The following APC variants were observed in gnomAD, a reference collection of about 807,000 sequenced individuals.
APC encodes adenomatous polyposis coli protein.
In APC, 72 loss-of-function variants were observed where a neutral mutation model predicts 247.0. The ratio of observed to expected loss-of-function variants is 0.29; its 90% CI spans 0.24 to 0.35. APC has a LOEUF of 0.35. Among genes scored for constraint, APC ranks in the 10% least tolerant of loss-of-function variants. APC has a pLI of 1.00. For synonymous variants in APC, 1,254 were observed against 1,162.5 expected (o/e 1.08, Z -1.60); for missense variants, 3,400 against 3,360.7 (o/e 1.01, Z -0.29).
At chr5:112,736,133 G>C (rs1160057013), upstream of APC, among the ~76,000 whole-genome samples, 1 of 152,186 alleles carries the variant, frequency 6.6e-6, no homozygotes, top group African/African-American at 2.4e-5. Flanking sequence ...TTGTAAATAA[G>C]TCCTGTGCAG....
intron 1 of APC, among the ~76,000 whole-genome samples, chr5:112,722,630 CCT>C (rs759815567): frequency 6.6e-6 from 1 of 152,036 alleles, no homozygotes; most frequent in African/African-American, 2.4e-5. Context: ...CCCACTACCC[CCT>C]CTTTGGAGTC....
chr5:112,784,499 C>T (rs1450646295), intron 6 of APC, among the ~76,000 whole-genome samples: 3 of 152,134 alleles, frequency 2.0e-5, no homozygotes, highest in Non-Finnish European at 2.9e-5. Context: ...GAATATGTTG[C>T]GTACAGAAAT....
chr5:112,782,917 A>T (rs919767202), intron 6 of APC, among the ~76,000 whole-genome samples: 1 of 152,220 alleles, frequency 6.6e-6, no homozygotes, highest in African/African-American at 2.4e-5. Context: ...CTAAAAATAC[A>T]TTGCATTTTA....
chr5:112,750,395 T>C (rs958329754), intron 1 of APC, among the ~76,000 whole-genome samples: 7 of 152,198 alleles, frequency 4.6e-5, no homozygotes, highest in Non-Finnish European at 7.3e-5. Context: ...TTTATCCTTA[T>C]GCACTCCTTT....
At position 112,822,966 on chromosome 5, in the gene APC, T is replaced by G. The variant is rs542444620; in HGVS notation, c.1408+975T>G. Among the ~76,000 whole-genome samples the G allele has an allele frequency of 2.6e-5, 4 of 152,330 alleles. No homozygotes were observed. In the East Asian group the frequency reaches 5.8e-4, roughly 22 times the overall value. On this transcript the variant is annotated intron_variant, in intron 11 of 15. Coordinates refer to ENST00000257430, the MANE Select transcript of APC (RefSeq NM_000038.6). ...GCACCTTAAGATTTCAGGCCTGCCC[T>G]CTGGCCATGCTTTCCTTCCTAGTGG...
intron 1 of APC, among the ~76,000 whole-genome samples, chr5:112,729,378 G>C (rs1177447947): frequency 6.6e-6 from 1 of 152,210 alleles, no homozygotes; most frequent in African/African-American, 2.4e-5. Context: ...GATAGCACCA[G>C]TGCGTTGATA....
At chr5:112,799,201 A>AG (rs1175131924) in intron 7 of APC, among the ~76,000 whole-genome samples, 1 of 151,626 alleles carries the variant, frequency 6.6e-6, no homozygotes, top group Non-Finnish European at 1.5e-5. Context: ...AAAAAAAAAA[A>AG]AAAGGCACTT....
chr5:112,816,038 A>G (rs749348859), intron 9 of APC, among the ~76,000 whole-genome samples: 2 of 152,150 alleles, frequency 1.3e-5, no homozygotes, highest in Non-Finnish European at 2.9e-5. Flanking sequence ...CTTTACATCC[A>G]CTTTTCTGCA....
rs1766876147 is a variant in APC, at chr5:112,845,149, C to T, written c.*1023C>T. The T allele has an allele frequency of 4.3e-6, 1 of 232,464 alleles. No homozygotes were observed. The highest frequency in any genetic ancestry group is 2.2e-5 in the African/African-American group (1 of 45,304). The allele number at this position is 232,464 out of a possible 1,614,324, so 14.4% of individuals were successfully genotyped here. A position where few individuals can be genotyped will look rare whatever the true frequency, so the allele number is the denominator to read the frequency against. On this transcript the variant is annotated 3_prime_UTR_variant, in exon 16 of 16. Transcript: ENST00000257430. ...AAACAATTGAAGAAGACTGTTGCCA[C>T]TTAACCATTCCATGCGTTGGCACTT...
At chr5:112,769,445 T>G (rs1419795022) in intron 4 of APC, among the ~76,000 whole-genome samples, 1 of 152,214 alleles carries the variant, frequency 6.6e-6, no homozygotes, top group Non-Finnish European at 1.5e-5. Context: ...AGTGTATTAA[T>G]TCTTCTCTTC....
intron 10 of APC, among the ~76,000 whole-genome samples, chr5:112,819,603 T>C (rs924234112): frequency 6.6e-6 from 1 of 152,202 alleles, no homozygotes; most frequent in Non-Finnish European, 1.5e-5. Context: ...AGGGCCTTAG[T>C]AGAGCTAGAA....
At chr5:112,816,664 AT>A (rs1762541878) in intron 9 of APC, among the ~76,000 whole-genome samples, 1 of 151,472 alleles carries the variant, frequency 6.6e-6, no homozygotes, top group South Asian at 2.1e-4. Flanking sequence ...ATGGTGGCAC[AT>A]GGCTGTAATC....
rs1347219668 is a variant in APC at position 112,767,121 on chromosome 5, T to C, written c.221-68T>C. 23 of 1,273,174 alleles carry C rather than the reference T, an allele frequency of 1.8e-5. No homozygotes were observed. In the African/African-American group the frequency reaches 2.1e-4, roughly 12 times the overall value. 78.9% of individuals were successfully genotyped at this position (1,273,174 alleles called of 1,614,324 possible). On this transcript the variant is annotated intron_variant, in intron 3 of 15. Coordinates refer to ENST00000257430, the MANE Select transcript of APC (RefSeq NM_000038.6). ...CCTAATATTTCACTTTAAAATAATA[T>C]AACATTAAGAATATTTTAGACTGCT...
chr5:112,751,155 C>G (rs1754315524), intron 1 of APC, among the ~76,000 whole-genome samples: 1 of 152,014 alleles, frequency 6.6e-6, no homozygotes, highest in Non-Finnish European at 1.5e-5. Flanking sequence ...CAGAGAGTTT[C>G]TATATACCTT....
At chr5:112,771,151 C>G (rs1193418019) in intron 4 of APC, among the ~76,000 whole-genome samples, 1 of 152,084 alleles carries the variant, frequency 6.6e-6, no homozygotes, top group Non-Finnish European at 1.5e-5. Flanking sequence ...GATAGAATAT[C>G]ATACTCTTTG....
At chr5:112,737,846 C>T, upstream of APC, 1 of 985,666 alleles carries the variant, frequency 1.0e-6, no homozygotes. Context: ...GCGCACGTGA[C>T]CGACATGTGG....
intron 1 of APC, among the ~76,000 whole-genome samples, chr5:112,727,343 A>C (rs1057255948): frequency 6.6e-6 from 1 of 152,200 alleles, no homozygotes; most frequent in East Asian, 1.9e-4. Context: ...ATGGTATAGC[A>C]TTAGGCAATG....
At chr5:112,797,665 A>G (rs1382482762) in intron 7 of APC, among the ~76,000 whole-genome samples, 1 of 152,222 alleles carries the variant, frequency 6.6e-6, no homozygotes, top group Non-Finnish European at 1.5e-5. Context: ...TGTGAGGACA[A>G]TGCAGTGTGT....
chr5:112,781,522 T>C (rs1248370060), intron 6 of APC, among the ~76,000 whole-genome samples: 1 of 152,124 alleles, frequency 6.6e-6, no homozygotes. Context: ...GTTTCAAAAC[T>C]AGCGTGGGTT....
Sources: gnomAD v4.1 joint callset for allele counts (sites outside exome capture counted in the v4.1 genomes callset) on GRCh38, gnomAD v4.1.1 for gene constraint, MANE v1.5 for transcripts, NCBI Gene and HGNC (gene_info 2026-07-23, HGNC 2026-07-21) for gene names.